Variants in CSMD3 observed in about 807,000 individuals in gnomAD.
The protein encoded by CSMD3 is CUB and sushi domain-containing protein 3.
Under a neutral mutation model 435.2 loss-of-function variants are expected in CSMD3, and 177 were observed. The ratio of observed to expected loss-of-function variants is 0.41; its 90% CI spans 0.36 to 0.46. The LOEUF is 0.46. CSMD3 is among the 20% of genes least tolerant of loss of function. CSMD3 has a pLI of 0.34. For synonymous variants in CSMD3, 1,656 were observed against 1,520.5 expected, an observed-to-expected ratio of 1.09 and a Z score of -2.07; for missense variants, 4,265 against 4,504.6, an observed-to-expected ratio of 0.95 and a Z score of 1.52.
intron 22 of CSMD3, among the ~76,000 whole-genome samples, chr8:112,632,576 T>C (rs1022357979): frequency 6.6e-6 from 1 of 152,034 alleles, no homozygotes; most frequent in Non-Finnish European, 1.5e-5. Flanking sequence ...CAAAACAACA[T>C]GTTCTTTCAT....
intron 6 of CSMD3, among the ~76,000 whole-genome samples, chr8:113,012,903 G>T (rs2086308548): frequency 6.6e-6 from 1 of 151,886 alleles, no homozygotes; most frequent in Non-Finnish European, 1.5e-5. Flanking sequence ...AACTCATATT[G>T]AGAGTTATAA....
chr8:112,598,218 C>T (rs1245081844), intron 22 of CSMD3, among the ~76,000 whole-genome samples: 6 of 129,522 alleles, frequency 4.6e-5, no homozygotes, highest in African/African-American at 6.2e-5. Flanking sequence ...TTCTTATACA[C>T]CAACAACAGA....
At chr8:113,306,470 C>A (rs2093822384) in intron 2 of CSMD3, among the ~76,000 whole-genome samples, 1 of 152,098 alleles carries the variant, frequency 6.6e-6, no homozygotes, top group South Asian at 2.1e-4. Context: ...ACCCTCTGGT[C>A]ATTTGTTTCT....
intron 35 of CSMD3, 139 bp from the exon 36 acceptor site, chr8:112,390,927 A>G: frequency 1.2e-6 from 1 of 821,894 alleles, no homozygotes; most frequent in East Asian, 2.7e-5. Flanking sequence ...GATAAAAGCA[A>G]TGAAAATGAA....
At chr8:113,077,763 A>C (rs534566849) in intron 5 of CSMD3, among the ~76,000 whole-genome samples, 1 of 152,254 alleles carries the variant, frequency 6.6e-6, no homozygotes, top group South Asian at 2.1e-4. Context: ...GCTAACATTC[A>C]AGGTTTAAAA....
At chr8:113,000,742 T>C (rs1366084075) in intron 6 of CSMD3, among the ~76,000 whole-genome samples, 1 of 152,048 alleles carries the variant, frequency 6.6e-6, no homozygotes, top group Non-Finnish European at 1.5e-5. Flanking sequence ...GGGGAAATCA[T>C]TAAACTCCAT....
At chr8:113,407,468 C>A (rs1026877410) in intron 1 of CSMD3, among the ~76,000 whole-genome samples, 11 of 152,040 alleles carry the variant, frequency 7.2e-5, no homozygotes, top group Non-Finnish European at 1.6e-4. Context: ...TGCATAGACT[C>A]AATTTGCAGT....
At chr8:113,089,526 A>G (rs1297455059) in intron 5 of CSMD3, among the ~76,000 whole-genome samples, 1 of 152,196 alleles carries the variant, frequency 6.6e-6, no homozygotes, top group East Asian at 1.9e-4. Flanking sequence ...TTATCTTGTT[A>G]AATACATGGA....
intron 13 of CSMD3, among the ~76,000 whole-genome samples, chr8:112,733,901 G>T (rs1217161237): frequency 6.6e-6 from 1 of 151,988 alleles, no homozygotes; most frequent in Non-Finnish European, 1.5e-5. Flanking sequence ...GACAGGTGCT[G>T]TGAGACTTAA....
intron 33 of CSMD3, 141 bp from the exon 34 acceptor site, chr8:112,408,554 C>T (rs1451663362): frequency 7.2e-6 from 5 of 690,324 alleles, no homozygotes; most frequent in South Asian, 1.7e-5. Flanking sequence ...CTACAACTAC[C>T]AATATATTTC....
intron 27 of CSMD3, among the ~76,000 whole-genome samples, chr8:112,521,900 CTAATT>C (rs1369579469): frequency 6.6e-6 from 1 of 151,758 alleles, no homozygotes; most frequent in African/African-American, 2.4e-5. Context: ...AAATGTACTT[CTAATT>C]TATTATAATA....
At chr8:112,653,324 C>T (rs2075175977) in intron 18 of CSMD3, among the ~76,000 whole-genome samples, 1 of 152,092 alleles carries the variant, frequency 6.6e-6, no homozygotes, top group Non-Finnish European at 1.5e-5. Flanking sequence ...ACTACTCCTC[C>T]CCTCAAATAT....
chr8:112,850,565 A>T (rs144814912), intron 11 of CSMD3, among the ~76,000 whole-genome samples: 2 of 152,332 alleles, frequency 1.3e-5, no homozygotes, highest in East Asian at 3.9e-4. Context: ...ATATGTTGAA[A>T]CATCATTTGT....
At chr8:112,255,495 A>G (rs1815697128) in intron 61 of CSMD3, 68 bp from the exon 62 acceptor site, 2 of 1,337,652 alleles carry the variant, frequency 1.5e-6, no homozygotes, top group Admixed American at 1.7e-5. Context: ...GTTTGGAAAA[A>G]TGGTGACAAT....
At chr8:112,727,414 T>C (rs1225858248) in intron 13 of CSMD3, among the ~76,000 whole-genome samples, 3 of 151,868 alleles carry the variant, frequency 2.0e-5, no homozygotes, top group Non-Finnish European at 4.4e-5. Flanking sequence ...TTTCCAACTC[T>C]GTCTAGTGTG....
chr8:112,399,070 C>A (rs1831097544), intron 35 of CSMD3, among the ~76,000 whole-genome samples: 1 of 151,886 alleles, frequency 6.6e-6, no homozygotes, highest in Non-Finnish European at 1.5e-5. Flanking sequence ...GCATGTGCCA[C>A]CACGCCCAGC....
chr8:112,850,506 TTGA>T (rs1173465647), intron 11 of CSMD3, among the ~76,000 whole-genome samples: 1 of 152,196 alleles, frequency 6.6e-6, no homozygotes, highest in Non-Finnish European at 1.5e-5. Flanking sequence ...TGAATGTTGG[TTGA>T]TATTTAATTT....
intron 13 of CSMD3, among the ~76,000 whole-genome samples, chr8:112,738,110 C>A (rs4876293): frequency 6.6e-6 from 1 of 151,372 alleles, no homozygotes; most frequent in African/African-American, 2.4e-5. Context: ...GTCATTGATG[C>A]AGATATAAGC....
intron 22 of CSMD3, among the ~76,000 whole-genome samples, chr8:112,603,732 C>A (rs1832565809): frequency 1.3e-5 from 2 of 152,068 alleles, no homozygotes; most frequent in Non-Finnish European, 1.5e-5. Flanking sequence ...TTACATGGTT[C>A]ATCTGTGAGT....
Sources: gnomAD v4.1 joint callset for allele counts (sites outside exome capture counted in the v4.1 genomes callset) on GRCh38, gnomAD v4.1.1 for gene constraint, MANE v1.5 for transcripts, NCBI Gene and HGNC (gene_info 2026-07-23, HGNC 2026-07-21) for gene names.